PHC2: variants seen among roughly 807,000 people sequenced by gnomAD.
The protein encoded by PHC2 is polyhomeotic-like protein 2.
In PHC2, 29 loss-of-function variants were observed where a neutral mutation model predicts 87.4. The ratio of observed to expected loss-of-function variants is 0.33; its 90% CI spans 0.25 to 0.45. The LOEUF is 0.45. Ranked by LOEUF, PHC2 falls within the 20% of genes least tolerant of loss-of-function variation. The probability of loss-of-function intolerance (pLI) is 1.00; values close to 1 mark genes in which losing one functional copy is unlikely to be tolerated. For synonymous variants in PHC2, 438 were observed against 461.7 expected, an observed-to-expected ratio of 0.95 and a Z score of 0.66; for missense variants, 857 against 1,136.7, an observed-to-expected ratio of 0.75 and a Z score of 3.54.
intron 1 of PHC2, among the ~76,000 whole-genome samples, chr1:33,419,816 A>T (rs1290869311): frequency 3.3e-5 from 5 of 151,958 alleles, no homozygotes; most frequent in Non-Finnish European, 7.4e-5. Context: ...TCACCGTGTT[A>T]GCCAGGATGG....
In PHC2 at chr1:33,332,575, G is replaced by A; in HGVS notation, c.1762-171C>T. ...GCTGGGCTCAAGGCCCTATTTTGCT[G>A]GTTGGCTCACGAGGTAAGATGCTAA... On this transcript the variant is annotated intron_variant, in intron 10 of 14. Transcript: ENST00000683057. This position sits in a 1 kb window ranked among gnomAD's most constrained non-coding sequence, Gnocchi z 4.2. The A allele has an allele frequency of 1.3e-6, 1 of 780,054 alleles. No individual in the cohort carries two copies. The highest frequency in any genetic ancestry group is 2.6e-5 in the East Asian group (1 of 38,420). The allele number at this position is 780,054 out of a possible 1,614,324, so 48.3% of individuals were successfully genotyped here.
In PHC2 at chr1:33,354,962, C is replaced by G; in HGVS notation, c.1268G>C (p.Cys423Ser). 2 of 1,614,212 alleles carry G rather than the reference C, an allele frequency of 1.2e-6. No individual in the cohort carries two copies. Among genetic ancestry groups the G allele is most frequent in the Middle Eastern group, 1.6e-4 (1 of 6,062 alleles). ...CCCAGTATCAGGTGTGGGAGGGTGA[C>G]ACTGCTGACTGCCGCCAGGCTTGTG... ...NLHKPGGSQQ[C>S]HPPTPDTGPQ... The change falls in exon 8 of 15, where the codon TGT (cysteine) becomes TCT (serine). Residue 423 changes from cysteine (C) to serine (S), a missense_variant. Physicochemically the swap from Cys to Ser is moderately radical, Grantham distance 112. This residue lies in a region of PHC2 where 832 missense variants were observed against 1,081.8 expected (regional missense o/e 0.77). Coordinates refer to ENST00000683057, the MANE Select transcript of PHC2 (RefSeq NM_001385109.1).
intron 9 of PHC2, among the ~76,000 whole-genome samples, chr1:33,341,167 C>G (rs928910939): frequency 1.3e-5 from 2 of 152,226 alleles, no homozygotes; most frequent in Non-Finnish European, 2.9e-5. Context: ...GTACTTATAT[C>G]TGTCTTACAT....
intron 14 of PHC2, among the ~76,000 whole-genome samples, chr1:33,328,484 G>A (rs1378363920): frequency 6.7e-6 from 1 of 149,670 alleles, no homozygotes; most frequent in Non-Finnish European, 1.5e-5. Context: ...CCAAAGTGCT[G>A]GGACTATAGG....
chr1:33,323,958 C>G lies in PHC2; in HGVS notation c.*907G>C, dbSNP rs180749558. On this transcript the variant is annotated 3_prime_UTR_variant, in exon 15 of 15. Coordinates refer to ENST00000683057, the MANE Select transcript of PHC2 (RefSeq NM_001385109.1). ...TCACCACTGGGACTCCCAGGGTGGGCGGGCAGGCAGGCCAGGAGGCTCAGC... is the reference window on the plus strand; with the variant it reads ...TCACCACTGGGACTCCCAGGGTGGGGGGGCAGGCAGGCCAGGAGGCTCAGC... The G allele has an allele frequency of 2.0e-5, 3 of 152,408 alleles. No homozygotes were observed. The East Asian group carries it at 5.8e-4, about 29-fold the overall frequency. 9.4% of individuals were successfully genotyped at this position (152,408 alleles called of 1,614,324 possible). A position where few individuals can be genotyped will look rare whatever the true frequency, so the allele number is the denominator to read the frequency against.
At chr1:33,333,716 C>T in intron 10 of PHC2, 1 of 230,520 alleles carries the variant, frequency 4.3e-6, no homozygotes, top group Non-Finnish European at 8.4e-6. Flanking sequence ...GAAGTTTTGC[C>T]ATTCAGAGGT....
intron 7 of PHC2, among the ~76,000 whole-genome samples, chr1:33,356,254 T>TATATATATATATATAC (rs1647072228): frequency 3.0e-5 from 1 of 33,888 alleles, no homozygotes; most frequent in Admixed American, 4.6e-4. Flanking sequence ...AATTCTTATA[T>TATATATATATATATAC]ATATATATAT....
rs558864551 is a variant in PHC2 at position 33,390,957 on chromosome 1, C to G, written c.-54-15364G>C. On this transcript the variant is annotated intron_variant, in intron 1 of 14. Coordinates refer to ENST00000683057, the MANE Select transcript of PHC2 (RefSeq NM_001385109.1). The stretch of plus-strand genomic sequence containing the variant: ...TTTCATTTGGGTGGATCTTTAAAGA[C>G]AGGTTCGATTGGGACTTCGGAAATG... 3.3e-5 allele frequency among the ~76,000 whole-genome samples: 5 copies of G among 152,196 alleles called. No individual in the cohort carries two copies. In the South Asian group the frequency reaches 1.0e-3, roughly 32 times the overall value.
chr1:33,330,111 T>G lies in PHC2; in HGVS notation c.2108A>C (p.Lys703Thr). Residue 703 changes from lysine to threonine, a missense_variant, in exon 13 of 15, where the codon AAA (lysine) becomes ACA (threonine). By Grantham distance (78) the Lys-to-Thr change is moderately conservative. Around this residue, in one of 3 missense-constraint regions of PHC2, gnomAD observed 832 missense variants for 1,081.8 expected, o/e 0.77. Coordinates refer to ENST00000683057, the MANE Select transcript of PHC2 (RefSeq NM_001385109.1). The stretch of plus-strand genomic sequence containing the variant: ...CTTGGTAAGTGGTGGCAGACTGGCT[T>G]TGCTGGCCCGACGGCGGTTGTGGGT... ...AATHNRRRAS[K>T]ASLPPLTKDT... 6.2e-7 allele frequency: 1 copy of G among 1,614,194 alleles called. No individual in the cohort carries two copies.
intron 13 of PHC2, among the ~76,000 whole-genome samples, chr1:33,329,695 G>A (rs1179633828): frequency 6.6e-6 from 1 of 152,140 alleles, no homozygotes; most frequent in Admixed American, 6.5e-5. Flanking sequence ...TGTTCAGGGA[G>A]GCAAAAAGGT....
At chr1:33,353,573 T>G (rs184771425) in intron 9 of PHC2, 23 of 152,382 alleles carry the variant, frequency 1.5e-4, no homozygotes, top group Admixed American at 1.3e-3. Context: ...TGCCCTGCCT[T>G]GTGCTAAGGT....
intron 1 of PHC2, among the ~76,000 whole-genome samples, chr1:33,393,463 G>GTTTTTTTTTTTTTT (rs36030279): frequency 2.3e-5 from 3 of 131,046 alleles, no homozygotes; most frequent in Non-Finnish European, 3.1e-5. Flanking sequence ...TTTTCAAGAG[G>GTTTTTTTTTTTTTT]TTTTTTTTTT....
chr1:33,393,034 C>T (rs1017431046), intron 1 of PHC2, among the ~76,000 whole-genome samples: 4 of 152,178 alleles, frequency 2.6e-5, no homozygotes, highest in African/African-American at 9.7e-5. Context: ...CATCTGATCC[C>T]TTCCCTTGTC....
intron 1 of PHC2, among the ~76,000 whole-genome samples, chr1:33,401,294 C>A (rs949162598): frequency 6.6e-6 from 1 of 152,062 alleles, no homozygotes; most frequent in Non-Finnish European, 1.5e-5. Context: ...CCACTGCACT[C>A]CAGCCTGGGC....
intron 4 of PHC2, 29 bp downstream of exon 4, chr1:33,370,988 C>A (rs1647792106): frequency 1.3e-6 from 2 of 1,598,288 alleles, no homozygotes; most frequent in South Asian, 1.1e-5. Context: ...GGGCTGTGGA[C>A]TCTGCTGCTG....
chr1:33,343,283 A>G (rs1646780072), intron 9 of PHC2, among the ~76,000 whole-genome samples: 3 of 151,758 alleles, frequency 2.0e-5, no homozygotes. Context: ...CAACATGGTG[A>G]AACCCTGTCT....
chr1:33,383,791 C>T (rs1428100577), intron 1 of PHC2, among the ~76,000 whole-genome samples: 1 of 152,124 alleles, frequency 6.6e-6, no homozygotes, highest in Non-Finnish European at 1.5e-5. Flanking sequence ...AAAACAGGCA[C>T]ACACGGGGAG....
chr1:33,381,600 C>G (rs936708637), intron 1 of PHC2, among the ~76,000 whole-genome samples: 2 of 151,558 alleles, frequency 1.3e-5, no homozygotes, highest in African/African-American at 4.9e-5. Context: ...CATCATAGAA[C>G]TGGGATTCAA....
chr1:33,409,346 G>T (rs1166332869), intron 1 of PHC2, among the ~76,000 whole-genome samples: 1 of 152,086 alleles, frequency 6.6e-6, no homozygotes, highest in African/African-American at 2.4e-5. Flanking sequence ...ACACAAAAAG[G>T]TTCATAGTAA....
Sources: gnomAD v4.1 joint callset for allele counts (sites outside exome capture counted in the v4.1 genomes callset) on GRCh38, gnomAD v4.1.1 for gene constraint, gnomAD v4.1.1 regional missense constraint, Gnocchi (gnomAD v3.1) non-coding constraint, MANE v1.5 for transcripts, NCBI Gene and HGNC (gene_info 2026-07-23, HGNC 2026-07-21) for gene names.